Variants in RBMS3 observed in about 807,000 individuals in gnomAD.
The protein encoded by RBMS3 is RNA-binding motif, single-stranded-interacting protein 3.
Under a neutral mutation model 66.8 loss-of-function variants are expected in RBMS3, and 27 were observed. The ratio of observed to expected loss-of-function variants is 0.40; its 90% CI spans 0.30 to 0.56. The LOEUF is 0.56. Among genes scored for constraint, RBMS3 ranks in the 20% least tolerant of loss-of-function variants. RBMS3 has a pLI of 0.40. For synonymous variants in RBMS3, 188 were observed against 183.0 expected (o/e 1.03, Z -0.22); for missense variants, 513 against 549.5 (o/e 0.93, Z 0.66).
Position 29,616,488 on chromosome 3 carries a change from AAAAC to A in RBMS3, c.399+29303_399+29306del, listed in dbSNP as rs558392107. 1,509 of 157,896 alleles carry A rather than the reference AAAAC, an allele frequency of 9.6e-3. 15 individuals are homozygous for A. Among genetic ancestry groups the A allele is most frequent in the African/African-American group, 0.032 (1,349 of 41,618 alleles). 9.8% of individuals were successfully genotyped at this position (157,896 alleles called of 1,614,324 possible). ...GCCACAAGAGCGAAACTCTGTCTCA[AAAAC>A]AAACAAACAAACAAACAAAAATTAC... is the stretch of plus-strand genomic sequence containing the variant. On this transcript the variant is annotated intron_variant, in intron 4 of 14. Transcript: ENST00000383767.
intron 1 of RBMS3, among the ~76,000 whole-genome samples, chr3:29,311,732 A>G (rs905151326): frequency 2.6e-5 from 4 of 151,816 alleles, no homozygotes; most frequent in African/African-American, 9.7e-5. Flanking sequence ...TGATTTTAAC[A>G]TATAAACTTG....
chr3:29,665,142 A>G (rs1242613185), intron 4 of RBMS3, among the ~76,000 whole-genome samples: 4 of 152,172 alleles, frequency 2.6e-5, no homozygotes, highest in Non-Finnish European at 5.9e-5. Context: ...TTAGAAACCA[A>G]TTCTTACCAG....
chr3:29,853,858 C>T (rs2059006336), intron 6 of RBMS3, among the ~76,000 whole-genome samples: 1 of 152,102 alleles, frequency 6.6e-6, no homozygotes, highest in African/African-American at 2.4e-5. Context: ...CCCCCTGAAA[C>T]CTGCCCCTAC....
chr3:29,660,490 A>G (rs1041762347), intron 4 of RBMS3, among the ~76,000 whole-genome samples: 1 of 152,088 alleles, frequency 6.6e-6, no homozygotes, highest in African/African-American at 2.4e-5. Flanking sequence ...CCACCAATCT[A>G]TGTCTTTTAA....
chr3:29,831,169 G>A (rs976470771), intron 6 of RBMS3, among the ~76,000 whole-genome samples: 7 of 152,174 alleles, frequency 4.6e-5, no homozygotes, highest in African/African-American at 1.7e-4. Flanking sequence ...AGGAATGAAA[G>A]TATGGCTACT....
intron 4 of RBMS3, among the ~76,000 whole-genome samples, chr3:29,713,104 T>G (rs2053242796): frequency 6.6e-6 from 1 of 152,040 alleles, no homozygotes; most frequent in African/African-American, 2.4e-5. Context: ...TTGTGGCTAG[T>G]ATCTATTATA....
intron 6 of RBMS3, among the ~76,000 whole-genome samples, chr3:29,828,466 T>C (rs548135947): frequency 6.6e-4 from 100 of 152,328 alleles, no homozygotes; most frequent in African/African-American, 2.3e-3. Flanking sequence ...TAAAAAACAA[T>C]GCAACAAGCA....
intron 4 of RBMS3, among the ~76,000 whole-genome samples, chr3:29,728,199 G>T (rs112117579): frequency 0.06 from 9,021 of 150,972 alleles, 879 homozygotes; most frequent in African/African-American, 0.21. Flanking sequence ...CACACTGGGG[G>T]CCTGTTGGGG....
intron 3 of RBMS3, among the ~76,000 whole-genome samples, chr3:29,565,146 C>T (rs1285387854): frequency 1.3e-5 from 2 of 152,142 alleles, no homozygotes; most frequent in Non-Finnish European, 2.9e-5. Context: ...AATTTATTCT[C>T]CCCTCATCAC....
intron 3 of RBMS3, among the ~76,000 whole-genome samples, chr3:29,515,725 C>T (rs759432147): frequency 1.3e-5 from 2 of 152,206 alleles, no homozygotes; most frequent in Admixed American, 6.5e-5. Flanking sequence ...TCACTTCCTG[C>T]CTTTGCCTTG....
At chr3:29,780,234 A>C (rs1024248385) in intron 6 of RBMS3, among the ~76,000 whole-genome samples, 2 of 151,868 alleles carry the variant, frequency 1.3e-5, no homozygotes, top group African/African-American at 2.4e-5. Context: ...GAGCGCTTTG[A>C]ATTGATTATA....
At chr3:29,364,884 C>T (rs2037809972) in intron 1 of RBMS3, among the ~76,000 whole-genome samples, 1 of 152,084 alleles carries the variant, frequency 6.6e-6, no homozygotes, top group South Asian at 2.1e-4. Context: ...CACAGTTTTG[C>T]CAGCATAATG....
chr3:29,916,219 C>G (rs1273116139), intron 10 of RBMS3, among the ~76,000 whole-genome samples: 3 of 151,926 alleles, frequency 2.0e-5, no homozygotes, highest in Admixed American at 6.6e-5. Flanking sequence ...CCTGTACTCT[C>G]TCTGATAAAT....
At chr3:29,943,849 C>T (rs1313381162) in intron 11 of RBMS3, among the ~76,000 whole-genome samples, 2 of 151,664 alleles carry the variant, frequency 1.3e-5, no homozygotes, top group Non-Finnish European at 3.0e-5. Context: ...GTATCATGCT[C>T]TGGGCCCCCT....
chr3:29,320,349 C>T (rs532408142), intron 1 of RBMS3, among the ~76,000 whole-genome samples: 4 of 151,920 alleles, frequency 2.6e-5, no homozygotes, highest in African/African-American at 9.7e-5. Context: ...CTTTTAAATG[C>T]TCTAAAGGAA....
intron 3 of RBMS3, among the ~76,000 whole-genome samples, chr3:29,553,020 G>A (rs2046229319): frequency 6.6e-6 from 1 of 152,096 alleles, no homozygotes; most frequent in Non-Finnish European, 1.5e-5. Context: ...CTGCGAATAG[G>A]CCTGATAGTG....
chr3:29,838,261 C>T (rs1372909535), intron 6 of RBMS3, among the ~76,000 whole-genome samples: 1 of 150,836 alleles, frequency 6.6e-6, no homozygotes, highest in African/African-American at 2.4e-5. Context: ...ATTACTTGAG[C>T]TTGAGAGGTG....
intron 1 of RBMS3, among the ~76,000 whole-genome samples, chr3:29,391,442 C>G (rs1415572088): frequency 6.6e-6 from 1 of 152,110 alleles, no homozygotes; most frequent in Non-Finnish European, 1.5e-5. Flanking sequence ...AACAAGCTAT[C>G]AAATTTGTGT....
At chr3:29,789,165 ATT>A (rs199508102) in intron 6 of RBMS3, among the ~76,000 whole-genome samples, 1 of 151,644 alleles carries the variant, frequency 6.6e-6, no homozygotes, top group Non-Finnish European at 1.5e-5. Flanking sequence ...TTCATGATGT[ATT>A]TTTTTTGCCA....
Sources: allele counts gnomAD v4.1 joint callset (sites outside exome capture counted in the v4.1 genomes callset), GRCh38; gene constraint gnomAD v4.1.1; transcripts MANE v1.5; gene names NCBI Gene and HGNC (gene_info 2026-07-23, HGNC 2026-07-21).